DZIP3: variants seen among roughly 807,000 people sequenced by gnomAD.
The protein encoded by DZIP3 is DAZ interacting zinc finger protein 3.
A neutral mutation model predicts 162.0 loss-of-function variants in DZIP3; 118 were observed. That is an observed-to-expected ratio of 0.73 (90% CI 0.63 to 0.85). The LOEUF (loss-of-function observed/expected upper bound fraction) is 0.85, where lower values mean the gene tolerates loss of function less well. DZIP3 is among the 40% of genes least tolerant of loss of function. DZIP3 has a pLI of 0.00. For synonymous variants in DZIP3, 438 were observed against 458.6 expected (o/e 0.96, Z 0.57); for missense variants, 1,331 against 1,407.0 (o/e 0.95, Z 0.86).
rs780049137 is a variant in DZIP3, at chr3:108,616,555, T to A, written c.273T>A (p.Ala91=). ...ATTTTCCACAGAGAGAAGTTGCAGC[T>A]AACAGCCAGAATGGTGAGGAAATTG... ...SFQTMQREVA[A]NSQNGEEIVP... is the part of the protein sequence containing the mutation. Residue 91 remains alanine, a synonymous_variant, in exon 5 of 33, where the codon GCT becomes GCA. Coordinates refer to ENST00000361582, the MANE Select transcript of DZIP3 (RefSeq NM_014648.4). The A allele has an allele frequency of 6.2e-7, 1 of 1,608,830 alleles. No individual in the cohort carries two copies. Among genetic ancestry groups the A allele is most frequent in the Non-Finnish European group, 8.5e-7 (1 of 1,177,946 alleles).
At position 108,687,842 on chromosome 3, in the gene DZIP3, A is replaced by G. The variant is rs1417923503; in HGVS notation, c.3150-134A>G. 7.8e-5 allele frequency: 90 copies of G among 1,147,874 alleles called. 1 individual carries two copies. Among genetic ancestry groups the G allele is most frequent in the Non-Finnish European group, 8.6e-6 (7 of 812,658 alleles). 71.1% of individuals were successfully genotyped at this position (1,147,874 alleles called of 1,614,324 possible). A position where few individuals can be genotyped will look rare whatever the true frequency, so the allele number is the denominator to read the frequency against. ...GGACCTGTGATCACTTTTTTAGATC[A>G]AAGACCTAAAGAGTCCTGTCTGTAT... On this transcript the variant is annotated intron_variant, in intron 28 of 32. Coordinates refer to ENST00000361582, the MANE Select transcript of DZIP3 (RefSeq NM_014648.4).
chr3:108,631,220 T>C (rs1401466841), intron 8 of DZIP3, among the ~76,000 whole-genome samples: 1 of 151,896 alleles, frequency 6.6e-6, no homozygotes, highest in Admixed American at 6.6e-5. Context: ...AAGTTTTCCT[T>C]CCTAGGGTTG....
rs531378730 is a variant in DZIP3 at position 108,657,068 on chromosome 3, T to G, written c.2199+2758T>G. Among the ~76,000 whole-genome samples, 7 of 152,278 alleles carry G rather than the reference T, an allele frequency of 4.6e-5. No individual in the cohort carries two copies. The East Asian group carries it at 1.3e-3, about 29-fold the overall frequency. ...AAGTTGGAAAACACTCTGCAGGATATTATCCAGGAGAACTTCCCCAATCTA... is the reference window on the plus strand; with the variant it reads ...AAGTTGGAAAACACTCTGCAGGATAGTATCCAGGAGAACTTCCCCAATCTA... On this transcript the variant is annotated intron_variant, in intron 19 of 32. Transcript: ENST00000361582.
At chr3:108,661,638 T>A (rs540362259) in intron 19 of DZIP3, among the ~76,000 whole-genome samples, 10 of 146,322 alleles carry the variant, frequency 6.8e-5, no homozygotes, top group African/African-American at 2.5e-4. Context: ...AGTATAATAA[T>A]TAAAAAAAAA....
chr3:108,643,059 C>T (rs371369298), intron 13 of DZIP3, among the ~76,000 whole-genome samples: 1 of 152,246 alleles, frequency 6.6e-6, no homozygotes, highest in African/African-American at 2.4e-5. Flanking sequence ...AAGAAAGCTC[C>T]CTGTGTCATT....
At chr3:108,599,857 A>G (rs1442892906) in intron 1 of DZIP3, among the ~76,000 whole-genome samples, 4 of 152,156 alleles carry the variant, frequency 2.6e-5, no homozygotes, top group African/African-American at 9.7e-5. Context: ...TTGCTGACAC[A>G]TTGATCTCAG....
chr3:108,604,602 A>G (rs2107475019), intron 1 of DZIP3, among the ~76,000 whole-genome samples: 2 of 152,308 alleles, frequency 1.3e-5, no homozygotes, highest in East Asian at 3.9e-4. Flanking sequence ...GGAAGTATCC[A>G]CAACATCCAT....
At chr3:108,640,029 CTCT>C (rs1410068404) in intron 12 of DZIP3, among the ~76,000 whole-genome samples, 1 of 151,904 alleles carries the variant, frequency 6.6e-6, no homozygotes, top group Non-Finnish European at 1.5e-5. Flanking sequence ...TAACCATGGG[CTCT>C]TTAGGAGTAT....
intron 27 of DZIP3, 108 bp from the exon 28 acceptor site, chr3:108,686,337 T>C (rs1944496846): frequency 2.9e-6 from 3 of 1,029,744 alleles, no homozygotes; most frequent in Non-Finnish European, 4.0e-6. Context: ...CTGTAAAAAT[T>C]GAATGTGTAT....
intron 4 of DZIP3, among the ~76,000 whole-genome samples, chr3:108,615,240 G>C (rs144760640): frequency 5.9e-5 from 9 of 152,158 alleles, no homozygotes; most frequent in Admixed American, 4.6e-4. Flanking sequence ...CAGATAATTA[G>C]TTTTTATATC....
chr3:108,682,139 T>G (rs1388408551), intron 26 of DZIP3, among the ~76,000 whole-genome samples: 1 of 150,954 alleles, frequency 6.6e-6, no homozygotes, highest in East Asian at 1.9e-4. Context: ...TTGGCGATGA[T>G]GTGGAGAAAA....
At chr3:108,642,540 C>CTG in intron 13 of DZIP3, 26 bp downstream of exon 13, 1 of 1,426,960 alleles carries the variant, frequency 7.0e-7, no homozygotes. Context: ...TATATGCCTT[C>CTG]TGTTGAAAAG....
rs915464609 is a variant in DZIP3, at chr3:108,683,193, G to A, written c.2884-1023G>A. 4.0e-5 allele frequency among the ~76,000 whole-genome samples: 6 copies of A among 150,558 alleles called. 1 individual carries two copies. The highest frequency in any genetic ancestry group is 1.2e-4 in the African/African-American group (5 of 40,030). The stretch of plus-strand genomic sequence containing the variant: ...CTTTAGGATATATCCTAAAAGATGA[G>A]GAACTCTTACTGGATATAATCATAA... On this transcript the variant is annotated intron_variant, in intron 26 of 32. Transcript: ENST00000361582.
At chr3:108,686,624 T>C in intron 28 of DZIP3, 40 bp downstream of exon 28, 1 of 1,458,374 alleles carries the variant, frequency 6.9e-7, no homozygotes, top group Non-Finnish European at 9.1e-7. Flanking sequence ...CAGATCATAT[T>C]CTCCAGTTTT....
chr3:108,675,495 T>G (rs1402934929), intron 24 of DZIP3, among the ~76,000 whole-genome samples: 1 of 152,040 alleles, frequency 6.6e-6, no homozygotes, highest in East Asian at 1.9e-4. Flanking sequence ...GAAAGATTCC[T>G]TACAAAGGTT....
chr3:108,619,974 T>C lies in DZIP3; in HGVS notation c.375+3317T>C, dbSNP rs534567233. 7.2e-5 allele frequency among the ~76,000 whole-genome samples: 11 copies of C among 151,960 alleles called. No individual in the cohort carries two copies. In the East Asian group the frequency reaches 2.1e-3, roughly 29 times the overall value. ...TCTGGGTTCTCCAAGACCACCCTCA[T>C]GTTCAGAGATTTGCTAGAAGGACTG... On this transcript the variant is annotated intron_variant, in intron 5 of 32. Coordinates refer to ENST00000361582, the MANE Select transcript of DZIP3 (RefSeq NM_014648.4).
intron 18 of DZIP3, among the ~76,000 whole-genome samples, 181 bp downstream of exon 18, chr3:108,651,343 T>A (rs1942859116): frequency 6.6e-6 from 1 of 151,734 alleles, no homozygotes; most frequent in Non-Finnish European, 1.5e-5. Context: ...AGTTAAATGA[T>A]CATTTAACAT....
chr3:108,682,445 A>T (rs954388183), intron 26 of DZIP3, among the ~76,000 whole-genome samples: 2 of 151,036 alleles, frequency 1.3e-5, no homozygotes, highest in African/African-American at 5.0e-5. Context: ...ATAAAAAAGA[A>T]TGAAATCCTG....
intron 19 of DZIP3, among the ~76,000 whole-genome samples, chr3:108,659,538 A>G (rs1466866093): frequency 2.0e-5 from 3 of 152,132 alleles, no homozygotes; most frequent in Non-Finnish European, 4.4e-5. Context: ...ATCATACTGA[A>G]TGGGCAAAAA....
Sources: gnomAD v4.1 joint callset for allele counts (sites outside exome capture counted in the v4.1 genomes callset) on GRCh38, gnomAD v4.1.1 for gene constraint, MANE v1.5 for transcripts, NCBI Gene and HGNC (gene_info 2026-07-23, HGNC 2026-07-21) for gene names.